The following SQSTM1 variants were observed in gnomAD, a reference collection of about 807,000 sequenced individuals.
SQSTM1 encodes the protein sequestosome-1.
A neutral mutation model predicts 45.1 loss-of-function variants in SQSTM1; 36 were observed. The observed-to-expected ratio is 0.80, with a 90% CI of 0.61 to 1.05. SQSTM1 has a LOEUF of 1.05. Among genes scored for constraint, SQSTM1 ranks in the 50% least tolerant of loss-of-function variants. The pLI is 0.00. For missense variants in SQSTM1, 617 were observed against 607.1 expected (o/e 1.02, Z -0.17); for synonymous variants, 290 against 244.3 (o/e 1.19, Z -1.74).
intron 2 of SQSTM1, chr5:179,823,487 T>G: frequency 4.2e-6 from 1 of 240,880 alleles, no homozygotes; most frequent in South Asian, 5.0e-5. Flanking sequence ...AAAAGACATT[T>G]TAAGTGCTGT....
rs760785371 is a variant in SQSTM1 at position 179,833,125 on chromosome 5, G to C, written c.848G>C (p.Ser283Thr). The C allele has an allele frequency of 3.1e-6, 5 of 1,614,214 alleles. No individual in the cohort carries two copies. The highest frequency in any genetic ancestry group is 3.4e-6 in the Non-Finnish European group (4 of 1,180,034). Residue 283 changes from serine (S) to threonine (T), a missense_variant, in exon 6 of 8, where the codon AGC becomes ACC. By Grantham distance (58) the Ser-to-Thr change is moderately conservative. Coordinates refer to ENST00000389805, the MANE Select transcript of SQSTM1 (RefSeq NM_003900.5). ...AGTTCCAGCACAGAGGAGAAGAGCA[G>C]CTCACAGCCAAGCAGCTGCTGCTCT... The part of the protein sequence containing the change: ...PESSSTEEKS[S>T]SQPSSCCSDP...
chr5:179,837,592 GC>G lies in SQSTM1; in HGVS notation c.*1000del. 6.2e-7 allele frequency: 1 copy of G among 1,614,204 alleles called. No homozygotes were observed. The highest frequency in any genetic ancestry group is 8.5e-7 in the Non-Finnish European group (1 of 1,180,006). On this transcript the variant is annotated 3_prime_UTR_variant, in exon 8 of 8. Coordinates refer to ENST00000389805, the MANE Select transcript of SQSTM1 (RefSeq NM_003900.5). ...GAAGCTGGACAGCGGCAGTGGGCCT[GC>G]TGAGGCCTTCTCTTGAGGCCTGTGC... is the stretch of plus-strand genomic sequence containing the variant.
At position 179,836,856 on chromosome 5, in the gene SQSTM1, T is replaced by A. The variant is rs1422784475; in HGVS notation, c.*263T>A. On this transcript the variant is annotated 3_prime_UTR_variant, in exon 8 of 8. Coordinates refer to ENST00000389805, the MANE Select transcript of SQSTM1 (RefSeq NM_003900.5). ...AGACCCAAGGCTCACTGCAGCGCGCTCCTGACCCCTCCCTGCAGGGGCTAC... is the reference window on the plus strand; with the variant it reads ...AGACCCAAGGCTCACTGCAGCGCGCACCTGACCCCTCCCTGCAGGGGCTAC... 1 of 625,182 alleles carries A rather than the reference T, an allele frequency of 1.6e-6. No homozygotes were observed. Among genetic ancestry groups the A allele is most frequent in the Non-Finnish European group, 2.8e-6 (1 of 355,290 alleles). The allele number at this position is 625,182 out of a possible 1,614,324, so 38.7% of individuals were successfully genotyped here.
At chr5:179,810,260 C>G (rs957690820) in intron 1 of SQSTM1, among the ~76,000 whole-genome samples, 1 of 151,962 alleles carries the variant, frequency 6.6e-6, no homozygotes, top group African/African-American at 2.4e-5. Flanking sequence ...TAATGCTATC[C>G]CTCCCCTCTT....
chr5:179,824,103 G>A lies in SQSTM1; in HGVS notation c.531+16G>A. On this transcript the variant is annotated intron_variant, in intron 3 of 7. Transcript: ENST00000389805. The stretch of plus-strand genomic sequence containing the variant: ...CCTGTCTGAGGTGAGCAGGCCCTCT[G>A]TGCAGGCCTGGGGTGGGCTCAGGGT... The A allele has an allele frequency of 3.7e-6, 6 of 1,613,742 alleles. No individual in the cohort carries two copies. The highest frequency in any genetic ancestry group is 4.2e-6 in the Non-Finnish European group (5 of 1,180,024).
intron 7 of SQSTM1, 113 bp from the exon 8 acceptor site, chr5:179,836,323 G>C (rs1758552040): frequency 2.1e-6 from 3 of 1,445,956 alleles, no homozygotes. Flanking sequence ...GCTCTGGGCA[G>C]GCTCGGACAC....
intron 7 of SQSTM1, among the ~76,000 whole-genome samples, chr5:179,834,608 G>C (rs894486670): frequency 2.0e-5 from 3 of 151,750 alleles, no homozygotes; most frequent in Non-Finnish European, 4.4e-5. Flanking sequence ...AGGGAGTGGT[G>C]ATGACTCTTA....
chr5:179,831,790 C>CCT (rs1554091130), intron 5 of SQSTM1, among the ~76,000 whole-genome samples: 1 of 147,638 alleles, frequency 6.8e-6, no homozygotes, highest in Non-Finnish European at 1.5e-5. Context: ...ATTGAATGTT[C>CCT]TTTTTTTTTT....
At chr5:179,823,795 G>A (rs1200814080) in intron 2 of SQSTM1, 63 bp from the exon 3 acceptor site, 3 of 1,549,268 alleles carry the variant, frequency 1.9e-6, no homozygotes, top group African/African-American at 2.7e-5. Flanking sequence ...GCCCCACAGT[G>A]ACGACAGAGG....
chr5:179,834,431 T>TTTA (rs1554091606), intron 7 of SQSTM1, among the ~76,000 whole-genome samples: 42 of 99,586 alleles, frequency 4.2e-4, no homozygotes, highest in Admixed American at 6.5e-4. Context: ...TTATTTATTT[T>TTTA]TATTGATCAT....
intron 1 of SQSTM1, among the ~76,000 whole-genome samples, chr5:179,811,394 ATG>A: frequency 4.4e-4 from 3 of 6,756 alleles, no homozygotes; most frequent in Admixed American, 2.5e-3. Context: ...GGGAGGAGCT[ATG>A]CAGGGGGAGG....
At chr5:179,808,732 C>G (rs1757296945) in intron 1 of SQSTM1, among the ~76,000 whole-genome samples, 1 of 152,120 alleles carries the variant, frequency 6.6e-6, no homozygotes, top group Admixed American at 6.5e-5. Flanking sequence ...GCAGGAGGAT[C>G]ATTTGAGCTC....
At position 179,837,904 on chromosome 5, in the gene SQSTM1, A is replaced by G. The variant is rs781433632; in HGVS notation, c.*1311A>G. 4 of 1,595,342 alleles carry G rather than the reference A, an allele frequency of 2.5e-6. No homozygotes were observed. The highest frequency in any genetic ancestry group is 3.4e-6 in the Non-Finnish European group (4 of 1,175,876). Reference sequence around the variant, plus strand: ...CCTGTCCCTGAAAGAGAAGATGGCCATGCCCTCCATGTGTAAGAACAATGC... The same window carrying G: ...CCTGTCCCTGAAAGAGAAGATGGCCGTGCCCTCCATGTGTAAGAACAATGC... On this transcript the variant is annotated 3_prime_UTR_variant, in exon 8 of 8. Transcript: ENST00000389805.
chr5:179,810,595 T>C lies in SQSTM1; in HGVS notation c.-156-979T>C, dbSNP rs561683670. Among the ~76,000 whole-genome samples the C allele has an allele frequency of 2.1e-3, 319 of 152,374 alleles. 2 individuals are homozygous for C. The highest frequency in any genetic ancestry group is 6.8e-3 in the African/African-American group (284 of 41,584). ...AAACATACGTGTGCATGTGTCTTTA[T>C]AGCAGCATGATTTATAATCCTTTGG... On this transcript the variant is annotated intron_variant, in intron 1 of 5. Coordinates refer to the SQSTM1 transcript ENST00000514093.
intron 2 of SQSTM1, chr5:179,812,663 G>A (rs1487749170): frequency 6.6e-6 from 1 of 152,344 alleles, no homozygotes; most frequent in Non-Finnish European, 1.5e-5. Flanking sequence ...GAGGTGCAGT[G>A]CAGCAGCCAG....
rs1162680597 is a variant in SQSTM1, at chr5:179,833,131, A to T, written c.854A>T (p.Gln285Leu). Residue 285 changes from glutamine (Q) to leucine (L), a missense_variant, in exon 6 of 8, where the codon CAG (glutamine) becomes CTG (leucine). Transcript: ENST00000389805. ...AGCACAGAGGAGAAGAGCAGCTCAC[A>T]GCCAAGCAGCTGCTGCTCTGACCCC... is the stretch of plus-strand genomic sequence containing the variant. The part of the protein sequence containing the change: ...SSSTEEKSSS[Q>L]PSSCCSDPSK... 1.2e-6 allele frequency: 2 copies of T among 1,614,226 alleles called. No homozygotes were observed. The highest frequency in any genetic ancestry group is 3.3e-5 in the Admixed American group (2 of 60,026).
At chr5:179,829,873 ATGACT>A (rs1758141715) in intron 5 of SQSTM1, among the ~76,000 whole-genome samples, 2 of 152,234 alleles carry the variant, frequency 1.3e-5, no homozygotes, top group South Asian at 4.1e-4. Flanking sequence ...AGGCAGGCAG[ATGACT>A]TGAGCTCACG....
At chr5:179,831,110 G>A (rs941696107) in intron 5 of SQSTM1, among the ~76,000 whole-genome samples, 3 of 152,178 alleles carry the variant, frequency 2.0e-5, no homozygotes, top group African/African-American at 7.2e-5. Context: ...ACCACATGAA[G>A]AGAGAAACCC....
At chr5:179,820,766 T>C (rs534068817), upstream of SQSTM1, 1,488 of 552,402 alleles carry the variant, frequency 2.7e-3, 23 homozygotes, top group African/African-American at 0.027. Context: ...GGGAGAGTAG[T>C]GAAGGGGCCT....
Sources: gnomAD v4.1 joint callset for allele counts (sites outside exome capture counted in the v4.1 genomes callset) on GRCh38, gnomAD v4.1.1 for gene constraint, MANE v1.5 for transcripts, NCBI Gene and HGNC (gene_info 2026-07-23, HGNC 2026-07-21) for gene names.